The following AK3 variants were observed in gnomAD, a reference collection of about 807,000 sequenced individuals.
AK3 encodes adenylate kinase 3.
In AK3, 27 loss-of-function variants were observed where a neutral mutation model predicts 23.7. That is an observed-to-expected ratio of 1.14 (90% CI 0.84 to 1.57). The LOEUF (loss-of-function observed/expected upper bound fraction) is 1.57, where lower values mean the gene tolerates loss of function less well. AK3 is among the 40% of genes most tolerant of loss of function. The pLI, the probability that AK3 is intolerant of heterozygous loss-of-function variation, is 0.00. For synonymous variants in AK3, 159 were observed against 116.0 expected (o/e 1.37, Z -2.38); for missense variants, 406 against 285.6 (o/e 1.42, Z -3.04).
chr9:4,733,542 A>G (rs1423264955), intron 1 of AK3, among the ~76,000 whole-genome samples: 5 of 152,224 alleles, frequency 3.3e-5, no homozygotes, highest in African/African-American at 1.2e-4. Flanking sequence ...TTGCACAAGA[A>G]TTATATTAAA....
At chr9:4,721,661 G>A (rs1841898874) in intron 2 of AK3, among the ~76,000 whole-genome samples, 1 of 152,058 alleles carries the variant, frequency 6.6e-6, no homozygotes, top group Non-Finnish European at 1.5e-5. Flanking sequence ...GTTTCACCAT[G>A]TTGGCCAGGC....
intron 2 of AK3, among the ~76,000 whole-genome samples, chr9:4,720,756 G>A (rs994453165): frequency 2.0e-5 from 3 of 151,156 alleles, no homozygotes; most frequent in African/African-American, 7.3e-5. Context: ...AATATCATCT[G>A]AAAAATTACA....
intron 1 of AK3, among the ~76,000 whole-genome samples, chr9:4,738,916 C>T (rs545641338): frequency 1.3e-4 from 20 of 151,850 alleles, no homozygotes; most frequent in Non-Finnish European, 8.8e-5. Flanking sequence ...GGACCACAGG[C>T]GCGAGCCACC....
intron 1 of AK3, among the ~76,000 whole-genome samples, chr9:4,724,384 G>C (rs938810815): frequency 1.3e-5 from 2 of 152,190 alleles, no homozygotes; most frequent in African/African-American, 2.4e-5. Context: ...AGCTGCAGCA[G>C]ATGGGTTAGA....
chr9:4,720,496 C>A (rs1353991346), intron 2 of AK3, among the ~76,000 whole-genome samples: 1 of 152,110 alleles, frequency 6.6e-6, no homozygotes, highest in Non-Finnish European at 1.5e-5. Context: ...CCAGCCTGGG[C>A]AACATAGCAA....
chr9:4,718,374 T>C (rs1161438511), intron 4 of AK3, 45 bp downstream of exon 4: 1 of 1,406,366 alleles, frequency 7.1e-7, no homozygotes, highest in African/African-American at 1.4e-5. Context: ...AAACTAGACT[T>C]AGTGCACCAC....
intron 1 of AK3, among the ~76,000 whole-genome samples, chr9:4,737,265 G>C (rs547524702): frequency 6.1e-5 from 9 of 148,722 alleles, no homozygotes; most frequent in African/African-American, 2.2e-4. Flanking sequence ...TAAATAAAAA[G>C]TTTTTGTCTA....
At chr9:4,726,351 C>A (rs568255470) in intron 1 of AK3, among the ~76,000 whole-genome samples, 1 of 152,306 alleles carries the variant, frequency 6.6e-6, no homozygotes, top group East Asian at 1.9e-4. Flanking sequence ...CACAGTAGAA[C>A]TTCTTTCAAA....
chr9:4,739,528 G>C (rs1243603999), intron 1 of AK3, among the ~76,000 whole-genome samples: 1 of 150,928 alleles, frequency 6.6e-6, no homozygotes, highest in African/African-American at 2.4e-5. Flanking sequence ...TACAAAAACA[G>C]AATGAAATGG....
At chr9:4,722,442 T>C (rs1025538039) in intron 2 of AK3, 64 bp downstream of exon 2, 40 of 1,609,214 alleles carry the variant, frequency 2.5e-5, no homozygotes, top group Non-Finnish European at 3.2e-5. Context: ...GCCCATGAAA[T>C]GCTCATTCTC....
rs375640249 is a variant in AK3 at position 4,729,015 on chromosome 9, ATT to A, written c.152-6392_152-6391del. Among the ~76,000 whole-genome samples, 131 of 129,428 alleles carry A rather than the reference ATT, an allele frequency of 1.0e-3. 3 individuals carry two copies. Among genetic ancestry groups the A allele is most frequent in the Middle Eastern group, 3.9e-3 (1 of 254 alleles). The allele number at this position is 129,428 out of a possible 152,430, so 84.9% of individuals were successfully genotyped here. The stretch of plus-strand genomic sequence containing the variant: ...CACACACACATATATATATATATAT[ATT>A]TTTTTTTTTTGAGACGGAATTTTGC... On this transcript the variant is annotated intron_variant, in intron 1 of 4. Transcript: ENST00000381809.
chr9:4,719,359 G>GT (rs1268054269), intron 2 of AK3, 52 bp from the exon 3 acceptor site: 1 of 1,081,362 alleles, frequency 9.2e-7, no homozygotes, highest in Non-Finnish European at 1.3e-6. Flanking sequence ...GAAGTATGGG[G>GT]TGGGGGTGGG....
In AK3 at chr9:4,732,657, A is replaced by T. The variant is rs1417842683; in HGVS notation, c.151+8280T>A. On this transcript the variant is annotated intron_variant, in intron 1 of 4. Transcript: ENST00000381809. ...CCAACTTTTAAGGATAATAACTAGA[A>T]ATCCTAAAACATGGAGACATTAGTA... is the stretch of plus-strand genomic sequence containing the variant. Among the ~76,000 whole-genome samples, 7 of 152,218 alleles carry T rather than the reference A, an allele frequency of 4.6e-5. No homozygotes were observed. In the East Asian group the frequency reaches 1.3e-3, roughly 29 times the overall value.
At chr9:4,736,114 C>CA (rs771506489) in intron 1 of AK3, among the ~76,000 whole-genome samples, 1,711 of 48,102 alleles carry the variant, frequency 0.036, 32 homozygotes, top group Middle Eastern at 0.085. Flanking sequence ...GACTCCATCT[C>CA]AAAAAAAAAA....
chr9:4,725,021 C>CTTTTTT (rs71497550), intron 1 of AK3, among the ~76,000 whole-genome samples: 1 of 67,494 alleles, frequency 1.5e-5, no homozygotes, highest in African/African-American at 3.6e-5. Flanking sequence ...CTACTAAACT[C>CTTTTTT]TTTTTTTTTT....
Position 4,712,887 on chromosome 9 carries a change from C to A in AK3, c.*89G>T, listed in dbSNP as rs1841598812. ...TAATATAATTTTCAAAGAATTCATA[C>A]ATACTAGAAGTCTTAGGAAAAGCAG... On this transcript the variant is annotated 3_prime_UTR_variant, in exon 5 of 5. Coordinates refer to ENST00000381809, the MANE Select transcript of AK3 (RefSeq NM_016282.4). 3.6e-6 allele frequency: 5 copies of A among 1,382,734 alleles called. No homozygotes were observed. Among genetic ancestry groups the A allele is most frequent in the Non-Finnish European group, 4.9e-6 (5 of 1,019,942 alleles). The allele number at this position is 1,382,734 out of a possible 1,614,324, so 85.7% of individuals were successfully genotyped here. A position where few individuals can be genotyped will look rare whatever the true frequency, so the allele number is the denominator to read the frequency against.
Position 4,741,126 on chromosome 9 carries a change from C to T in AK3, c.-39G>A, listed in dbSNP as rs999184780. ...GGCCCGCACCGCGCGGGTACCAGGG[C>T]TTTGGCCTGGCCTGCGCGCTCACCC... is the stretch of plus-strand genomic sequence containing the variant. On this transcript the variant is annotated 5_prime_UTR_variant, in exon 1 of 5. Coordinates refer to ENST00000381809, the MANE Select transcript of AK3 (RefSeq NM_016282.4). 4.8e-6 allele frequency: 7 copies of T among 1,460,098 alleles called. No individual in the cohort carries two copies. In the Admixed American group the frequency reaches 1.0e-4, roughly 22 times the overall value. 90.4% of individuals were successfully genotyped at this position (1,460,098 alleles called of 1,614,324 possible).
At chr9:4,715,975 T>C (rs1034308559) in intron 4 of AK3, among the ~76,000 whole-genome samples, 3 of 152,052 alleles carry the variant, frequency 2.0e-5, no homozygotes, top group African/African-American at 4.8e-5. Context: ...AGAGGCTCTT[T>C]GCTGCTGGGG....
At chr9:4,724,058 G>A (rs754987966) in intron 1 of AK3, among the ~76,000 whole-genome samples, 1 of 152,168 alleles carries the variant, frequency 6.6e-6, no homozygotes, top group South Asian at 2.1e-4. Flanking sequence ...TTTTAACCAA[G>A]AACAGTAACT....
Sources: allele counts gnomAD v4.1 joint callset (sites outside exome capture counted in the v4.1 genomes callset), GRCh38; gene constraint gnomAD v4.1.1; transcripts MANE v1.5; gene names NCBI Gene and HGNC (gene_info 2026-07-23, HGNC 2026-07-21).